CEP152: variants seen among roughly 807,000 people sequenced by gnomAD.
CEP152 encodes centrosomal protein 152.
In CEP152, 132 loss-of-function variants were observed where a neutral mutation model predicts 188.9. That is an observed-to-expected ratio of 0.70 (90% CI 0.61 to 0.81). The LOEUF is 0.81. Among genes scored for constraint, CEP152 ranks in the 30% least tolerant of loss-of-function variants. The probability of loss-of-function intolerance (pLI) is 0.00; values close to 1 mark genes in which losing one functional copy is unlikely to be tolerated. For missense variants in CEP152, 1,914 were observed against 1,969.8 expected, an observed-to-expected ratio of 0.97 and a Z score of 0.54; for synonymous variants, 649 against 666.6, an observed-to-expected ratio of 0.97 and a Z score of 0.41.
intron 2 of CEP152, among the ~76,000 whole-genome samples, chr15:48,731,529 A>G (rs1035301288): frequency 2.0e-5 from 3 of 152,212 alleles, no homozygotes; most frequent in African/African-American, 4.8e-5. Context: ...TTATACAAAA[A>G]TTAACTCAAG....
chr15:48,762,929 T>G (rs1894793856), intron 17 of CEP152, among the ~76,000 whole-genome samples: 1 of 152,144 alleles, frequency 6.6e-6, no homozygotes, highest in South Asian at 2.1e-4. Context: ...CAGGATATCT[T>G]GCTCTTAATA....
chr15:48,810,779 G>A (rs1197374649), intron 1 of CEP152, 182 bp downstream of exon 1: 1 of 152,316 alleles, frequency 6.6e-6, no homozygotes, highest in African/African-American at 2.4e-5. Flanking sequence ...GATATTGGAG[G>A]AATGAAGAGG....
Position 48,738,116 on chromosome 15 carries a change from A to G in CEP152, c.*133T>C, listed in dbSNP as rs561304075. ...TAAATATCTCAAGCAATTTTAGAAGAATGCTTTACTTATATAACAGATGTT... is the reference window on the plus strand; with the variant it reads ...TAAATATCTCAAGCAATTTTAGAAGGATGCTTTACTTATATAACAGATGTT... On this transcript the variant is annotated 3_prime_UTR_variant, in exon 27 of 27. Transcript: ENST00000380950. 26 of 949,458 alleles carry G rather than the reference A, an allele frequency of 2.7e-5. No homozygotes were observed. The highest frequency in any genetic ancestry group is 3.8e-5 in the Non-Finnish European group (25 of 657,644). The allele number at this position is 949,458 out of a possible 1,614,324, so 58.8% of individuals were successfully genotyped here. A position where few individuals can be genotyped will look rare whatever the true frequency, so the allele number is the denominator to read the frequency against.
intron 22 of CEP152, among the ~76,000 whole-genome samples, chr15:48,745,724 T>C (rs1893358080): frequency 6.6e-6 from 1 of 152,068 alleles, no homozygotes; most frequent in Non-Finnish European, 1.5e-5. Flanking sequence ...ATGAGGAAAC[T>C]GATAAGAGTC....
At chr15:48,745,059 T>C in intron 22 of CEP152, 67 bp from the exon 23 acceptor site, 1 of 1,120,466 alleles carries the variant, frequency 8.9e-7, no homozygotes, top group Non-Finnish European at 1.3e-6. Flanking sequence ...TCCCTTAAGT[T>C]CCCAATACAA....
chr15:48,790,446 A>G (rs569539995), intron 8 of CEP152, among the ~76,000 whole-genome samples: 3 of 152,366 alleles, frequency 2.0e-5, no homozygotes, highest in Non-Finnish European at 4.4e-5. Context: ...GTTTTTAGCT[A>G]AGACCTGAAG....
At chr15:48,782,318 TACAGAA>T in intron 10 of CEP152, 88 bp from the exon 11 acceptor site, 1 of 1,123,808 alleles carries the variant, frequency 8.9e-7, no homozygotes, top group African/African-American at 1.5e-5. Context: ...CCACTGAGGC[TACAGAA>T]AGTAAAGTTC....
intron 10 of CEP152, among the ~76,000 whole-genome samples, chr15:48,782,795 A>C (rs1896341494): frequency 6.6e-6 from 1 of 152,240 alleles, no homozygotes; most frequent in Non-Finnish European, 1.5e-5. Flanking sequence ...TTTCAAAAGA[A>C]AATGACCATC....
chr15:48,770,837 A>G (rs1895474946), intron 13 of CEP152, among the ~76,000 whole-genome samples: 1 of 152,236 alleles, frequency 6.6e-6, no homozygotes, highest in South Asian at 2.1e-4. Context: ...AAAGATTTTG[A>G]TAGCAAAAAC....
chr15:48,785,432 C>T (rs1031652750), intron 9 of CEP152, among the ~76,000 whole-genome samples: 2 of 152,094 alleles, frequency 1.3e-5, no homozygotes, highest in African/African-American at 2.4e-5. Context: ...AAACCTGGTT[C>T]TAAAGCGCCA....
intron 24 of CEP152, 72 bp from the exon 25 acceptor site, chr15:48,742,172 C>T: frequency 3.0e-6 from 4 of 1,355,524 alleles, no homozygotes; most frequent in Non-Finnish European, 3.2e-6. Flanking sequence ...GAGGGGCAGA[C>T]TTCAGATCAA....
At position 48,811,047 on chromosome 15, in the gene CEP152, T is replaced by C. The variant is rs2304546; in HGVS notation, c.-94A>G. 0.12 allele frequency: 18,960 copies of C among 152,338 alleles called. 1,548 individuals carry two copies. The highest frequency in any genetic ancestry group is 0.3 in the East Asian group (1,523 of 5,154). The allele number at this position is 152,338 out of a possible 1,614,324, so 9.4% of individuals were successfully genotyped here. On this transcript the variant is annotated 5_prime_UTR_variant, in exon 1 of 27. Transcript: ENST00000380950. ...GCAGATCCCCTTACCCTGGCTCTAG[T>C]CCACTAGCTCCTTCCTAGTCACAAC...
chr15:48,772,883 AC>A (rs1657572688), intron 12 of CEP152, among the ~76,000 whole-genome samples, 192 bp from the exon 13 acceptor site: 1 of 152,218 alleles, frequency 6.6e-6, no homozygotes, highest in South Asian at 2.1e-4. Context: ...ATACAGAAAT[AC>A]GTTTATTCAC....
At chr15:48,808,991 A>G (rs1898170705) in intron 1 of CEP152, among the ~76,000 whole-genome samples, 1 of 152,188 alleles carries the variant, frequency 6.6e-6, no homozygotes, top group African/African-American at 2.4e-5. Flanking sequence ...GACTATAAAA[A>G]GTATGTCTTG....
At chr15:48,802,882 C>T (rs1235981732) in intron 2 of CEP152, among the ~76,000 whole-genome samples, 1 of 152,172 alleles carries the variant, frequency 6.6e-6, no homozygotes, top group African/African-American at 2.4e-5. Flanking sequence ...GGGATATGGG[C>T]CCATGTGGAC....
At position 48,802,089 on chromosome 15, in the gene CEP152, C is replaced by CA. The variant is rs74528148; in HGVS notation, c.87+3473dup. Among the ~76,000 whole-genome samples, 554 of 98,742 alleles carry CA rather than the reference C, an allele frequency of 5.6e-3. 3 individuals carry two copies. Among genetic ancestry groups the CA allele is most frequent in the African/African-American group, 8.4e-3 (216 of 25,834 alleles). The allele number at this position is 98,742 out of a possible 152,430, so 64.8% of individuals were successfully genotyped here. A position where few individuals can be genotyped will look rare whatever the true frequency, so the allele number is the denominator to read the frequency against. On this transcript the variant is annotated intron_variant, in intron 2 of 26. Coordinates refer to ENST00000380950, the MANE Select transcript of CEP152 (RefSeq NM_001194998.2). ...TGGGCAACAGAGCGAGACTCCATCT[C>CA]AAAAAAAAAAAAAAAGAACTATATC... is the stretch of plus-strand genomic sequence containing the variant.
rs1322030760 is a variant in CEP152, at chr15:48,791,251, C to G, written c.958G>C (p.Val320Leu). The change falls in exon 8 of 27, where the codon GTC becomes CTC. Residue 320 changes from valine to leucine, a missense_variant. By Grantham distance (32) the Val-to-Leu change is conservative. Coordinates refer to ENST00000380950, the MANE Select transcript of CEP152 (RefSeq NM_001194998.2). The part of the protein sequence containing the change: ...ALETQIQALK[V>L]NEEQMIKKSR... ...AAAATAGGTACCTGTTCTTCATTGA[C>G]TTTTAATGCTTGTATCTGAGTCTCC... 1 of 1,611,990 alleles carries G rather than the reference C, an allele frequency of 6.2e-7. No homozygotes were observed. Among genetic ancestry groups the G allele is most frequent in the African/African-American group, 1.3e-5 (1 of 74,876 alleles).
chr15:48,775,689 C>T (rs1162211944), intron 12 of CEP152, among the ~76,000 whole-genome samples: 1 of 152,052 alleles, frequency 6.6e-6, no homozygotes, highest in African/African-American at 2.4e-5. Flanking sequence ...GCTGTCAAAT[C>T]CATAGAGACA....
At chr15:48,763,051 C>T (rs553458537) in intron 17 of CEP152, among the ~76,000 whole-genome samples, 2 of 151,914 alleles carry the variant, frequency 1.3e-5, no homozygotes, top group South Asian at 2.1e-4. Context: ...CACAAAGGAC[C>T]GAGTAAATCT....
Sources: gnomAD v4.1 joint callset for allele counts (sites outside exome capture counted in the v4.1 genomes callset) on GRCh38, gnomAD v4.1.1 for gene constraint, MANE v1.5 for transcripts, NCBI Gene and HGNC (gene_info 2026-07-23, HGNC 2026-07-21) for gene names.